The following MAST4 variants were observed in gnomAD, a reference collection of about 807,000 sequenced individuals.
The protein encoded by MAST4 is microtubule associated serine/threonine kinase family member 4.
Under a neutral mutation model 162.7 loss-of-function variants are expected in MAST4, and 89 were observed. That is an observed-to-expected ratio of 0.55 (90% CI 0.46 to 0.65). The LOEUF (loss-of-function observed/expected upper bound fraction) is 0.65, where lower values mean the gene tolerates loss of function less well. MAST4 is among the 30% of genes least tolerant of loss of function. MAST4 has a pLI of 0.00. For missense variants in MAST4, 3,153 were observed against 3,374.0 expected, an observed-to-expected ratio of 0.93 and a Z score of 1.62; for synonymous variants, 1,479 against 1,361.1, an observed-to-expected ratio of 1.09 and a Z score of -1.91.
intron 4 of MAST4, among the ~76,000 whole-genome samples, chr5:66,938,786 A>G (rs1217052855): frequency 6.6e-6 from 1 of 152,202 alleles, no homozygotes; most frequent in Non-Finnish European, 1.5e-5. Flanking sequence ...AACAAATATT[A>G]AATGGTACAG....
intron 5 of MAST4, among the ~76,000 whole-genome samples, chr5:67,064,178 G>A (rs956237465): frequency 1.3e-5 from 2 of 152,140 alleles, no homozygotes; most frequent in African/African-American, 4.8e-5. Flanking sequence ...AGAAGCCAAA[G>A]CCTGGCTCTA....
At chr5:66,674,895 T>C (rs1747847193) in intron 1 of MAST4, among the ~76,000 whole-genome samples, 1 of 152,126 alleles carries the variant, frequency 6.6e-6, no homozygotes, top group Non-Finnish European at 1.5e-5. Flanking sequence ...TTTAGAAGGA[T>C]ATTGGATAAC....
chr5:67,165,431 A>G lies in MAST4; in HGVS notation c.6252A>G (p.Glu2084=), dbSNP rs750603184. ...KVRRGVEPKP[E]ALLARRSLQP... ...GGCGTGGCGTGGAACCCAAGCCCGA[A>G]GCGCTTCTTGCCAGGCGGTCTCTGC... The change falls in exon 29 of 29, where the codon GAA becomes GAG. Residue 2084 remains glutamate, a synonymous_variant. Coordinates refer to ENST00000403625, the MANE Select transcript of MAST4 (RefSeq NM_001164664.2). The G allele has an allele frequency of 1.2e-6, 2 of 1,613,808 alleles. No homozygotes were observed. The highest frequency in any genetic ancestry group is 2.2e-5 in the East Asian group (1 of 44,882).
intron 4 of MAST4, among the ~76,000 whole-genome samples, chr5:67,029,319 G>T (rs573030865): frequency 6.6e-6 from 1 of 152,192 alleles, no homozygotes; most frequent in East Asian, 1.9e-4. Flanking sequence ...ATTTGTACAT[G>T]ATTTTAAAAG....
intron 3 of MAST4, among the ~76,000 whole-genome samples, chr5:66,793,029 T>A (rs375113160): frequency 2.6e-5 from 4 of 152,190 alleles, no homozygotes; most frequent in African/African-American, 7.2e-5. Flanking sequence ...TAGTAAGATA[T>A]AAATGAAGGC....
chr5:66,853,639 A>C (rs1205962354), intron 3 of MAST4, among the ~76,000 whole-genome samples: 1 of 152,228 alleles, frequency 6.6e-6, no homozygotes, highest in East Asian at 1.9e-4. Flanking sequence ...TAGACTTCAA[A>C]ATAGTTGATT....
chr5:66,773,820 T>C (rs1037122869), intron 2 of MAST4, among the ~76,000 whole-genome samples: 1 of 152,192 alleles, frequency 6.6e-6, no homozygotes, highest in African/African-American at 2.4e-5. Flanking sequence ...ATTTCTGTTC[T>C]TTATAAATTA....
chr5:66,713,066 C>CT (rs1038078228), intron 1 of MAST4, among the ~76,000 whole-genome samples: 2 of 152,186 alleles, frequency 1.3e-5, no homozygotes, highest in Non-Finnish European at 2.9e-5. Flanking sequence ...CTGTTCTTAC[C>CT]TTTTTTTACT....
At chr5:67,023,678 G>C (rs144170781) in intron 4 of MAST4, among the ~76,000 whole-genome samples, 1 of 152,116 alleles carries the variant, frequency 6.6e-6, no homozygotes, top group East Asian at 1.9e-4. Flanking sequence ...ACTCTTTTGA[G>C]ATGTGTATTT....
chr5:66,746,880 T>C (rs939447406), intron 1 of MAST4, among the ~76,000 whole-genome samples: 22 of 152,224 alleles, frequency 1.4e-4, no homozygotes, highest in African/African-American at 5.1e-4. Context: ...AAGTAAACTT[T>C]GAGAAATGAT....
intron 1 of MAST4, among the ~76,000 whole-genome samples, chr5:66,631,093 T>C (rs1744763480): frequency 1.3e-5 from 2 of 152,224 alleles, no homozygotes; most frequent in Non-Finnish European, 2.9e-5. Context: ...TTGTTGATTC[T>C]GATCTGCCAT....
chr5:66,686,965 T>A (rs1016175836), intron 1 of MAST4, among the ~76,000 whole-genome samples: 2 of 152,222 alleles, frequency 1.3e-5, no homozygotes, highest in East Asian at 3.8e-4. Context: ...CTTTTGTCAT[T>A]TGTAAGACTG....
At chr5:66,953,645 G>A (rs1264781260) in intron 4 of MAST4, among the ~76,000 whole-genome samples, 1 of 152,032 alleles carries the variant, frequency 6.6e-6, no homozygotes, top group Non-Finnish European at 1.5e-5. Context: ...GGCATGAGAA[G>A]CAAAACAGTT....
At chr5:66,743,665 G>A (rs1752592604) in intron 1 of MAST4, among the ~76,000 whole-genome samples, 1 of 152,170 alleles carries the variant, frequency 6.6e-6, no homozygotes, top group African/African-American at 2.4e-5. Flanking sequence ...ACTAGTAATG[G>A]AGAGGCAGAG....
intron 1 of MAST4, among the ~76,000 whole-genome samples, chr5:66,672,258 G>T (rs1409603182): frequency 6.6e-6 from 1 of 152,086 alleles, no homozygotes; most frequent in Non-Finnish European, 1.5e-5. Flanking sequence ...AAAAACTGCC[G>T]CTAACTATTG....
intron 3 of MAST4, among the ~76,000 whole-genome samples, chr5:66,855,516 G>A (rs1053837802): frequency 6.6e-6 from 1 of 152,158 alleles, no homozygotes; most frequent in Non-Finnish European, 1.5e-5. Flanking sequence ...GTTCTCTTGA[G>A]AACAGAGCTG....
chr5:66,926,953 A>G (rs1225752387), intron 4 of MAST4, among the ~76,000 whole-genome samples: 1 of 152,148 alleles, frequency 6.6e-6, no homozygotes, highest in Non-Finnish European at 1.5e-5. Flanking sequence ...GCCTTCAGCT[A>G]TGTTTATGTA....
chr5:67,162,555 G>T, intron 27 of MAST4, 52 bp from the exon 28 acceptor site: 1 of 1,547,316 alleles, frequency 6.5e-7, no homozygotes. Context: ...TTTTGGGGAG[G>T]CAGCAATAGT....
chr5:67,163,746 T>A lies in MAST4; in HGVS notation c.4567T>A (p.Ser1523Thr). The A allele has an allele frequency of 6.2e-7, 1 of 1,608,850 alleles. No individual in the cohort carries two copies. The highest frequency in any genetic ancestry group is 8.5e-7 in the Non-Finnish European group (1 of 1,177,984). ...CTCCCGGAAGGTGGGCCGCCAGGAG[T>A]CTGTGGACGACCTGGACCGCGACAA... is the stretch of plus-strand genomic sequence containing the variant. Reference protein sequence around the residue: ...PVSRKVGRQESVDDLDRDKLK... With the variant: ...PVSRKVGRQETVDDLDRDKLK... The change falls in exon 29 of 29, where the codon TCT (serine) becomes ACT (threonine). Residue 1523 changes from serine (S) to threonine (T), a missense_variant. Around this residue, in one of 7 missense-constraint regions of MAST4, gnomAD observed 1,644 missense variants for 1,495.0 expected, o/e 1.10. Coordinates refer to ENST00000403625, the MANE Select transcript of MAST4 (RefSeq NM_001164664.2). This position sits in a 1 kb window ranked among gnomAD's most constrained non-coding sequence, Gnocchi z 7.0.
Sources: allele counts gnomAD v4.1 joint callset (sites outside exome capture counted in the v4.1 genomes callset), GRCh38; gene constraint gnomAD v4.1.1; regional missense constraint gnomAD v4.1.1; non-coding constraint Gnocchi (gnomAD v3.1); transcripts MANE v1.5; gene names NCBI Gene and HGNC (gene_info 2026-07-23, HGNC 2026-07-21).